The following MAGI2 variants were observed in gnomAD, a reference collection of about 807,000 sequenced individuals.
MAGI2 encodes membrane associated guanylate kinase, WW and PDZ domain containing 2.
MAGI2 carries 35 observed loss-of-function variants against 133.3 expected under a neutral mutation model. That is an observed-to-expected ratio of 0.26 (90% CI 0.20 to 0.35). The LOEUF (loss-of-function observed/expected upper bound fraction) is 0.35. Among genes scored for constraint, MAGI2 ranks in the 10% least tolerant of loss-of-function variants. The pLI, the probability that MAGI2 is intolerant of heterozygous loss-of-function variation, is 1.00. For missense variants in MAGI2, 1,636 were observed against 1,863.4 expected (o/e 0.88, Z 2.25); for synonymous variants, 729 against 710.6 (o/e 1.03, Z -0.41).
At chr7:78,310,841 A>G (rs1218060008) in intron 9 of MAGI2, among the ~76,000 whole-genome samples, 1 of 152,234 alleles carries the variant, frequency 6.6e-6, no homozygotes, top group African/African-American at 2.4e-5. Context: ...AATATAGCCC[A>G]AGAAATTGAC....
intron 20 of MAGI2, among the ~76,000 whole-genome samples, chr7:78,088,050 C>T (rs77710788): frequency 0.02 from 3,017 of 152,242 alleles, 91 homozygotes; most frequent in African/African-American, 0.068. Context: ...GTCATGAAGT[C>T]AGTTTCCCTA....
chr7:78,168,334 A>C (rs1317192988), intron 14 of MAGI2, among the ~76,000 whole-genome samples: 1 of 152,106 alleles, frequency 6.6e-6, no homozygotes, highest in Admixed American at 6.5e-5. Flanking sequence ...TTGCCCTCAA[A>C]TCTGAGCATG....
At chr7:78,170,782 C>A (rs1826037525) in intron 14 of MAGI2, 1 of 151,386 alleles carries the variant, frequency 6.6e-6, no homozygotes, top group Admixed American at 6.6e-5. Context: ...TTCACTATAA[C>A]ACAAGTATAA....
chr7:78,842,988 A>G (rs780116098), intron 2 of MAGI2, among the ~76,000 whole-genome samples: 1 of 151,944 alleles, frequency 6.6e-6, no homozygotes, highest in Non-Finnish European at 1.5e-5. Context: ...ATATTTAATG[A>G]CTGTTGCCTA....
chr7:78,536,696 G>A (rs1797963931), intron 3 of MAGI2, among the ~76,000 whole-genome samples: 2 of 151,018 alleles, frequency 1.3e-5, no homozygotes, highest in South Asian at 4.2e-4. Context: ...ATCTAAATTT[G>A]CTCCTAATAC....
At position 79,132,709 on chromosome 7, in the gene MAGI2, T is replaced by C. The variant is rs143705072; in HGVS notation, c.302-125503A>G. 3.9e-5 allele frequency among the ~76,000 whole-genome samples: 6 copies of C among 152,240 alleles called. No individual in the cohort carries two copies. The East Asian group carries it at 1.2e-3, about 29-fold the overall frequency. On this transcript the variant is annotated intron_variant, in intron 1 of 21. Transcript: ENST00000354212. ...TGGATCTACTTTTAGCTCTATGAGG[T>C]AAAAGTTTAAACTGTATTGTTTTTC...
chr7:78,310,014 G>A (rs1315835087), intron 9 of MAGI2, among the ~76,000 whole-genome samples: 1 of 152,068 alleles, frequency 6.6e-6, no homozygotes, highest in Non-Finnish European at 1.5e-5. Flanking sequence ...GTTTGTGGCA[G>A]CATTTGTATA....
Position 78,133,071 on chromosome 7 carries a change from G to T in MAGI2, c.3032-11C>A. 3.3e-6 allele frequency: 5 copies of T among 1,529,862 alleles called. No individual in the cohort carries two copies. Among genetic ancestry groups the T allele is most frequent in the Non-Finnish European group, 8.7e-7 (1 of 1,143,404 alleles). The allele number at this position is 1,529,862 out of a possible 1,614,324, so 94.8% of individuals were successfully genotyped here. A position where few individuals can be genotyped will look rare whatever the true frequency, so the allele number is the denominator to read the frequency against. On this transcript the variant is annotated splice_polypyrimidine_tract_variant and intron_variant, in intron 17 of 21. Transcript: ENST00000354212. ...TGGGGCTGTTGAGCTCTGCGATGGA[G>T]AACCAAAGCGGCAGATGCAGTCAGG...
chr7:78,790,862 A>G (rs1827191004), intron 2 of MAGI2, among the ~76,000 whole-genome samples: 1 of 152,232 alleles, frequency 6.6e-6, no homozygotes, highest in South Asian at 2.1e-4. Flanking sequence ...ATTATGATGC[A>G]TACTCACAGA....
intron 14 of MAGI2, 50 bp from the exon 15 acceptor site, chr7:78,168,158 C>CTT (rs113437537): frequency 3.4e-3 from 4,311 of 1,267,282 alleles, no homozygotes; most frequent in Non-Finnish European, 4.2e-3. Flanking sequence ...ATCCTTTTTC[C>CTT]TTTTTTTTTT....
chr7:78,933,922 G>A (rs1800325681), intron 2 of MAGI2, among the ~76,000 whole-genome samples: 1 of 151,988 alleles, frequency 6.6e-6, no homozygotes, highest in African/African-American at 2.4e-5. Flanking sequence ...TCCCTCAACT[G>A]CTTCTGGTGT....
At chr7:78,661,769 A>G (rs1040415002) in intron 2 of MAGI2, among the ~76,000 whole-genome samples, 2 of 152,202 alleles carry the variant, frequency 1.3e-5, no homozygotes, top group Admixed American at 6.5e-5. Flanking sequence ...CAACTGCTTG[A>G]TCACCTGCTG....
intron 6 of MAGI2, among the ~76,000 whole-genome samples, chr7:78,373,589 C>T (rs999907891): frequency 1.3e-4 from 20 of 152,022 alleles, no homozygotes; most frequent in African/African-American, 4.8e-4. Context: ...ATTTTAAAAA[C>T]CTTTTCTTTC....
chr7:78,049,293 C>G (rs116096852), intron 21 of MAGI2, among the ~76,000 whole-genome samples: 2,402 of 152,240 alleles, frequency 0.016, 69 homozygotes, highest in African/African-American at 0.055. Context: ...AAGTGCTTCT[C>G]CCAGGAAATG....
intron 21 of MAGI2, among the ~76,000 whole-genome samples, chr7:78,051,536 G>T (rs888058395): frequency 6.6e-6 from 1 of 152,174 alleles, no homozygotes; most frequent in African/African-American, 2.4e-5. Flanking sequence ...CAGCCATTGC[G>T]TAGCCATTTC....
In MAGI2 at chr7:79,109,998, G is replaced by T. The variant is rs7457472; in HGVS notation, c.302-102792C>A. ...TGCTCCTCACATCCTGGCAGATCTG[G>T]CCCCAGTCTTGGCTCAAAGGGCTCC... On this transcript the variant is annotated intron_variant, in intron 1 of 21. Transcript: ENST00000354212. Among the ~76,000 whole-genome samples, 1,340 of 152,318 alleles carry T rather than the reference G, an allele frequency of 8.8e-3. 28 individuals are homozygous for T. Among genetic ancestry groups the T allele is most frequent in the African/African-American group, 0.031 (1,285 of 41,576 alleles).
At chr7:78,371,357 G>A (rs561248942) in intron 6 of MAGI2, among the ~76,000 whole-genome samples, 56 of 151,800 alleles carry the variant, frequency 3.7e-4, no homozygotes, top group Admixed American at 1.2e-3. Context: ...AATATGGTTC[G>A]ATACATGGAT....
chr7:78,855,404 C>T (rs575529028), intron 2 of MAGI2, among the ~76,000 whole-genome samples: 7 of 152,296 alleles, frequency 4.6e-5, no homozygotes, highest in Admixed American at 1.3e-4. Context: ...TCCCTTCTCC[C>T]TCCCTCCACC....
intron 2 of MAGI2, among the ~76,000 whole-genome samples, chr7:79,005,292 G>A (rs1028327422): frequency 4.6e-5 from 7 of 152,078 alleles, no homozygotes; most frequent in South Asian, 4.1e-4. Context: ...TTGTTTCATC[G>A]TGATATTCAA....
Sources: gnomAD v4.1 joint callset for allele counts (sites outside exome capture counted in the v4.1 genomes callset) on GRCh38, gnomAD v4.1.1 for gene constraint, MANE v1.5 for transcripts, NCBI Gene and HGNC (gene_info 2026-07-23, HGNC 2026-07-21) for gene names.